Variants in ACTR3C observed in about 807,000 individuals in gnomAD.
ACTR3C encodes the protein actin-related protein 3C.
ACTR3C carries 18 observed loss-of-function variants against 26.3 expected under a neutral mutation model. That is an observed-to-expected ratio of 0.68 (90% CI 0.47 to 1.01). The LOEUF (loss-of-function observed/expected upper bound fraction) is 1.01. ACTR3C is among the 50% of genes least tolerant of loss of function. The probability of loss-of-function intolerance (pLI) is 0.00; values close to 1 mark genes in which losing one functional copy is unlikely to be tolerated. For missense variants in ACTR3C, 184 were observed against 250.7 expected, an observed-to-expected ratio of 0.73 and a Z score of 1.80; for synonymous variants, 55 against 94.5, an observed-to-expected ratio of 0.58 and a Z score of 2.42.
At position 150,304,583 on chromosome 7, in the gene ACTR3C, T is replaced by C. The variant is rs563730915; in HGVS notation, c.-51-9236A>G. Among the ~76,000 whole-genome samples the C allele has an allele frequency of 3.9e-5, 6 of 152,228 alleles. No individual in the cohort carries two copies. The South Asian group carries it at 1.2e-3, about 32-fold the overall frequency. Reference sequence around the variant, plus strand: ...CCAGTCAGACCCTTCGACCTCAGCATGTACAAAACCAAACTCTCCTTCTTC... The same window carrying C: ...CCAGTCAGACCCTTCGACCTCAGCACGTACAAAACCAAACTCTCCTTCTTC... On this transcript the variant is annotated intron_variant, in intron 1 of 7. Coordinates refer to ENST00000683684, the MANE Select transcript of ACTR3C (RefSeq NM_001164458.2).
the ACTR3C span, among the ~76,000 whole-genome samples, chr7:150,101,078 C>T: frequency 6.6e-6 from 1 of 151,406 alleles, no homozygotes; most frequent in Non-Finnish European, 1.5e-5. Context: ...TAAAAATAGC[C>T]CCTGCCTTAA....
chr7:150,163,595 A>G, the ACTR3C span, among the ~76,000 whole-genome samples: 1 of 152,028 alleles, frequency 6.6e-6, no homozygotes, highest in African/African-American at 2.4e-5. Context: ...GAATAATCAC[A>G]TGATTAGGAG....
At chr7:149,904,508 G>GCAA in the ACTR3C span, among the ~76,000 whole-genome samples, 1 of 140,996 alleles carries the variant, frequency 7.1e-6, no homozygotes, top group Non-Finnish European at 1.6e-5. Context: ...TCCAGCCTGG[G>GCAA]CAACAGAGCA....
the ACTR3C span, among the ~76,000 whole-genome samples, chr7:149,968,925 G>A: frequency 5.3e-5 from 8 of 152,138 alleles, no homozygotes; most frequent in South Asian, 2.1e-4. Context: ...CTGTGGAGAC[G>A]TTCTTGGGCT....
At chr7:150,037,705 T>TG in the ACTR3C span, among the ~76,000 whole-genome samples, 15 of 92,486 alleles carry the variant, frequency 1.6e-4, no homozygotes, top group Admixed American at 3.2e-4. Context: ...GGATCAATGA[T>TG]GGGGGGTCCT....
At chr7:150,104,127 T>C in the ACTR3C span, among the ~76,000 whole-genome samples, 2 of 151,392 alleles carry the variant, frequency 1.3e-5, no homozygotes, top group African/African-American at 4.9e-5. Flanking sequence ...AGGCTATAGT[T>C]ATAAAATATT....
At chr7:150,066,735 C>A in the ACTR3C span, among the ~76,000 whole-genome samples, 1 of 151,698 alleles carries the variant, frequency 6.6e-6, no homozygotes, top group African/African-American at 2.4e-5. Flanking sequence ...TATAAACACG[C>A]GCTGTGTGAT....
At chr7:149,912,050 CA>C in the ACTR3C span, among the ~76,000 whole-genome samples, 1 of 146,564 alleles carries the variant, frequency 6.8e-6, no homozygotes, top group Non-Finnish European at 1.5e-5. Flanking sequence ...AAAAAACAAA[CA>C]AAAAGCAATT....
intron 6 of ACTR3C, among the ~76,000 whole-genome samples, chr7:150,257,741 G>T (rs1833322562): frequency 6.6e-6 from 1 of 152,232 alleles, no homozygotes; most frequent in African/African-American, 2.4e-5. Flanking sequence ...AGGAAGCAGA[G>T]ATTGTATATT....
At chr7:150,216,610 A>G in the ACTR3C span, among the ~76,000 whole-genome samples, 1 of 151,654 alleles carries the variant, frequency 6.6e-6, no homozygotes, top group Non-Finnish European at 1.5e-5. Flanking sequence ...CAAAGCCCAT[A>G]CTCTAACAAT....
chr7:149,949,091 G>A, the ACTR3C span, among the ~76,000 whole-genome samples: 138 of 143,936 alleles, frequency 9.6e-4, 1 homozygote, highest in African/African-American at 2.2e-3. Flanking sequence ...TGAGGCAGGC[G>A]GATCACCTGA....
the ACTR3C span, among the ~76,000 whole-genome samples, chr7:149,904,792 C>A: frequency 6.7e-6 from 1 of 150,274 alleles, no homozygotes; most frequent in Non-Finnish European, 1.5e-5. Context: ...TCAGGAGTTC[C>A]AGACCAGCCT....
At chr7:150,225,004 A>AGTGTGTGTGT in the ACTR3C span, among the ~76,000 whole-genome samples, 92 of 136,284 alleles carry the variant, frequency 6.8e-4, no homozygotes, top group East Asian at 2.4e-3. Context: ...CACCCCCATT[A>AGTGTGTGTGT]GTGTGTGTGT....
chr7:150,179,418 G>GAAAAA, the ACTR3C span, among the ~76,000 whole-genome samples: 1 of 118,108 alleles, frequency 8.5e-6, no homozygotes. Context: ...GACACAACAG[G>GAAAAA]AAAAAAAAAA....
chr7:149,957,713 C>T, the ACTR3C span, among the ~76,000 whole-genome samples: 6 of 151,028 alleles, frequency 4.0e-5, no homozygotes, highest in South Asian at 2.1e-4. Context: ...GGCCTGCATG[C>T]GACTCAGCCT....
the ACTR3C span, among the ~76,000 whole-genome samples, chr7:149,888,687 G>C: frequency 2.6e-5 from 4 of 152,174 alleles, no homozygotes; most frequent in Non-Finnish European, 5.9e-5. Flanking sequence ...GGCAAGATCA[G>C]ACAGCCTCAT....
chr7:150,170,742 T>C, the ACTR3C span, among the ~76,000 whole-genome samples: 1 of 150,548 alleles, frequency 6.6e-6, no homozygotes, highest in Non-Finnish European at 1.5e-5. Context: ...TTCCAGGAGC[T>C]GGAGACAAAC....
chr7:150,028,166 T>C, the ACTR3C span, among the ~76,000 whole-genome samples: 1 of 152,300 alleles, frequency 6.6e-6, no homozygotes, highest in East Asian at 1.9e-4. Context: ...AATATGGAAA[T>C]CATCTGGAAT....
the ACTR3C span, among the ~76,000 whole-genome samples, chr7:150,023,698 CT>C: frequency 2.7e-5 from 4 of 149,114 alleles, no homozygotes; most frequent in Non-Finnish European, 5.9e-5. Context: ...GGATCTTGGC[CT>C]TTACACATTG....
Sources: gnomAD v4.1 joint callset for allele counts (sites outside exome capture counted in the v4.1 genomes callset) on GRCh38, gnomAD v4.1.1 for gene constraint, MANE v1.5 for transcripts, NCBI Gene and HGNC (gene_info 2026-07-23, HGNC 2026-07-21) for gene names.